Variants in ZP4 observed in about 807,000 individuals in gnomAD.
ZP4 encodes zona pellucida glycoprotein 4.
A neutral mutation model predicts 62.3 loss-of-function variants in ZP4; 62 were observed. That is an observed-to-expected ratio of 0.99 (90% CI 0.81 to 1.23). The LOEUF (loss-of-function observed/expected upper bound fraction) is 1.23. ZP4 is among the 50% of genes most tolerant of loss of function. The pLI is 0.00. For synonymous variants in ZP4, 289 were observed against 247.3 expected (o/e 1.17, Z -1.58); for missense variants, 774 against 656.0 (o/e 1.18, Z -1.97).
At position 237,885,251 on chromosome 1, in the gene ZP4, G is replaced by C; in HGVS notation, c.1225C>G (p.Pro409Ala). Residue 409 changes from proline (P) to alanine (A), a missense_variant, in exon 9 of 12, where the codon CCA becomes GCA. Coordinates refer to ENST00000366570, the MANE Select transcript of ZP4 (RefSeq NM_021186.5). ...AAGCGCTGGTGGTGAGAGGGAAATG[G>C]AAGATCCAAGGCTTTCTGGACAGGG... ...LIPVQKALDL[P>A]FPSHHQRFSI... 1 of 1,614,166 alleles carries C rather than the reference G, an allele frequency of 6.2e-7. No homozygotes were observed. The highest frequency in any genetic ancestry group is 8.5e-7 in the Non-Finnish European group (1 of 1,180,038).
In ZP4 at chr1:237,889,255, A is replaced by T. The variant is rs78019556; in HGVS notation, c.400+612T>A. 9.4e-3 allele frequency among the ~76,000 whole-genome samples: 1,432 copies of T among 151,808 alleles called. 20 individuals carry two copies. The highest frequency in any genetic ancestry group is 0.032 in the African/African-American group (1,333 of 41,328). On this transcript the variant is annotated intron_variant, in intron 3 of 11. Transcript: ENST00000366570. ...GTTCTGGGAGAGTTCTTTGAATCCC[A>T]GCTCAGTCATTCACCAGTGATAGGC...
rs1490887541 is a variant in ZP4 at position 237,882,460 on chromosome 1, T to C, written c.1585A>G (p.Lys529Glu). ...TGGTCTGGGCAACTCTTCTGTTTCT[T>C]GACAGCCAAGTAGGATACTAACAAG... Reference protein sequence around the residue: ...GALLVSYLAVKKQKSCPDQMC... With the variant: ...GALLVSYLAVEKQKSCPDQMC... The change falls in exon 12 of 12, where the codon AAG becomes GAG. Residue 529 changes from lysine to glutamate, a missense_variant. By Grantham distance (56) the Lys-to-Glu change is moderately conservative. Coordinates refer to ENST00000366570, the MANE Select transcript of ZP4 (RefSeq NM_021186.5). 8 of 1,610,922 alleles carry C rather than the reference T, an allele frequency of 5.0e-6. No individual in the cohort carries two copies. The highest frequency in any genetic ancestry group is 6.8e-6 in the Non-Finnish European group (8 of 1,179,362).
In ZP4 at chr1:237,885,059, C is replaced by T. The variant is rs532075292; in HGVS notation, c.1311+106G>A. ...GGTTGCTCTGAGTCAGTACCAATAG[C>T]CAGCATTAAAGGGCTTCCTTGGCTG... On this transcript the variant is annotated intron_variant, in intron 9 of 11. Transcript: ENST00000366570. 7.7e-5 allele frequency: 115 copies of T among 1,485,314 alleles called. 2 individuals are homozygous for T. In the East Asian group the frequency reaches 1.3e-3, roughly 17 times the overall value. 92.0% of individuals were successfully genotyped at this position (1,485,314 alleles called of 1,614,324 possible).
rs952086192 is a variant in ZP4 at position 237,890,699 on chromosome 1, T to G, written c.-64A>C. 2.1e-5 allele frequency: 33 copies of G among 1,544,180 alleles called. No individual in the cohort carries two copies. The African/African-American group carries it at 4.5e-4, about 21-fold the overall frequency. ...CCTCCTCTCCCAAGAGCCGAGGGTC[T>G]GCCTGCCCAGATTCCTTTATATACA... On this transcript the variant is annotated 5_prime_UTR_variant, in exon 1 of 12. Transcript: ENST00000366570.
Position 237,882,474 on chromosome 1 carries a change from G to C in ZP4, c.1571C>G (p.Ser524Cys). 6.2e-7 allele frequency: 1 copy of C among 1,609,934 alleles called. No homozygotes were observed. The highest frequency in any genetic ancestry group is 8.5e-7 in the Non-Finnish European group (1 of 1,179,096). Residue 524 changes from serine (S) to cysteine (C), a missense_variant, in exon 12 of 12, where the codon TCC (serine) becomes TGC (cysteine). Ser to Cys is a moderately radical substitution (Grantham distance 112). Coordinates refer to ENST00000366570, the MANE Select transcript of ZP4 (RefSeq NM_021186.5). ...GTLILGALLV[S>C]YLAVKKQKSC... Reference sequence around the variant, plus strand: ...CTTCTGTTTCTTGACAGCCAAGTAGGATACTAACAAGGCTCCAAGGATTAA... The same window carrying C: ...CTTCTGTTTCTTGACAGCCAAGTAGCATACTAACAAGGCTCCAAGGATTAA...
intron 7 of ZP4, 56 bp downstream of exon 7, chr1:237,885,700 C>G: frequency 6.2e-7 from 1 of 1,604,126 alleles, no homozygotes; most frequent in Non-Finnish European, 8.5e-7. Flanking sequence ...GGTCTTCATG[C>G]CCCAGAAGAC....
Position 237,888,507 on chromosome 1 carries a change from C to T in ZP4, c.404G>A (p.Arg135Gln), listed in dbSNP as rs1443099663. ...ACACCAGTCAGTATCTGGAGCATCTCGGGCTAGGTTTTGAAAAAGAGTAAG... is the reference window on the plus strand; with the variant it reads ...ACACCAGTCAGTATCTGGAGCATCTTGGGCTAGGTTTTGAAAAAGAGTAAG... ...LLKCPMDLLARDAPDTDWCDS... is the reference protein window; with the variant it reads ...LLKCPMDLLAQDAPDTDWCDS... The change falls in exon 4 of 12, where the codon CGA becomes CAA. Residue 135 changes from arginine to glutamine, a missense_variant. Coordinates refer to ENST00000366570, the MANE Select transcript of ZP4 (RefSeq NM_021186.5). The T allele has an allele frequency of 6.9e-6, 11 of 1,587,934 alleles. No homozygotes were observed. Among genetic ancestry groups the T allele is most frequent in the African/African-American group, 1.3e-5 (1 of 74,520 alleles).
intron 5 of ZP4, 135 bp downstream of exon 5, chr1:237,887,239 C>T (rs1040731434): frequency 8.0e-6 from 8 of 1,004,006 alleles, no homozygotes; most frequent in Non-Finnish European, 1.2e-5. Flanking sequence ...CATTCTCCTG[C>T]CCTAGGGACT....
chr1:237,885,133 C>T (rs1665065190), intron 9 of ZP4, 32 bp downstream of exon 9: 3 of 1,606,478 alleles, frequency 1.9e-6, no homozygotes, highest in Non-Finnish European at 2.5e-6. Flanking sequence ...GGTTCAGAGC[C>T]CTGGTGAGTG....
In ZP4 at chr1:237,885,276, G is replaced by A. The variant is rs776928138; in HGVS notation, c.1200C>T (p.Ile400=). 8 of 1,614,050 alleles carry A rather than the reference G, an allele frequency of 5.0e-6. No homozygotes were observed. The highest frequency in any genetic ancestry group is 1.6e-4 in the Middle Eastern group (1 of 6,084). The change falls in exon 9 of 12, where the codon ATC becomes ATT. Residue 400 remains isoleucine, a synonymous_variant. Transcript: ENST00000366570. The part of the protein sequence containing the change: ...YIGDNYQTQL[I]PVQKALDLPF... ...GAAGATCCAAGGCTTTCTGGACAGG[G>A]ATCAGCTGGGTCTGATAGTTGTCTC... is the stretch of plus-strand genomic sequence containing the variant.
intron 1 of ZP4, 81 bp from the exon 2 acceptor site, chr1:237,890,257 C>A (rs1665210017): frequency 1.9e-6 from 3 of 1,598,690 alleles, no homozygotes; most frequent in African/African-American, 1.3e-5. Flanking sequence ...GCCATTAGAC[C>A]CCAAGGAGCA....
chr1:237,888,966 G>A (rs1665173519), intron 3 of ZP4, among the ~76,000 whole-genome samples: 1 of 152,200 alleles, frequency 6.6e-6, no homozygotes, highest in African/African-American at 2.4e-5. Context: ...AAGGAAGGCA[G>A]GTGAGAAGAG....
In ZP4 at chr1:237,885,549, A is replaced by T. The variant is rs769643654; in HGVS notation, c.1002T>A (p.Gly334=). The part of the protein sequence containing the change: ...DKNYGSYYGV[G]DYPVVKLLRD... ...GAAGCAACTTCACCACTGGGTAGTC[A>T]CCAACACCGTAGTAAGAGCCATAGT... Residue 334 remains glycine, a synonymous_variant, in exon 8 of 12, where the codon GGT becomes GGA. Transcript: ENST00000366570. 9 of 1,613,994 alleles carry T rather than the reference A, an allele frequency of 5.6e-6. No individual in the cohort carries two copies. In the East Asian group the frequency reaches 2.0e-4, roughly 36 times the overall value.
At chr1:237,883,621 GGAGA>G (rs1392819107) in intron 10 of ZP4, among the ~76,000 whole-genome samples, 1 of 44,838 alleles carries the variant, frequency 2.2e-5, no homozygotes, top group Admixed American at 2.6e-4. Context: ...GGCTGAGGTG[GGAGA>G]GAGGGGGAGG....
chr1:237,886,321 A>T (rs796737144), intron 6 of ZP4, among the ~76,000 whole-genome samples: 33 of 152,192 alleles, frequency 2.2e-4, no homozygotes, highest in African/African-American at 7.7e-4. Flanking sequence ...AGAATGTTAG[A>T]AGTGAACAGG....
At chr1:237,884,072 A>AC (rs1665038029) in intron 10 of ZP4, among the ~76,000 whole-genome samples, 2 of 144,466 alleles carry the variant, frequency 1.4e-5, no homozygotes, top group African/African-American at 5.2e-5. Context: ...AAACACACAC[A>AC]AACACACACA....
chr1:237,887,626 G>T (rs967105934), intron 4 of ZP4, 65 bp from the exon 5 acceptor site: 26 of 1,518,610 alleles, frequency 1.7e-5, no homozygotes, highest in Non-Finnish European at 2.2e-5. Flanking sequence ...CCAGATGAAA[G>T]TCTAACCACT....
rs142127454 is a variant in ZP4, at chr1:237,885,849, A to G, written c.877T>C (p.Ser293Pro). ...VSCSYSVSSN[S>P]LPINVQVFTL... is the part of the protein sequence containing the mutation. ...AAAACCTGGACATTGATTGGGAGAG[A>G]GTTGCTACTTACTGAGTAGCTGCAG... The change falls in exon 7 of 12, where the codon TCT becomes CCT. Residue 293 changes from serine (S) to proline (P), a missense_variant. Transcript: ENST00000366570. 155 of 1,614,126 alleles carry G rather than the reference A, an allele frequency of 9.6e-5. No homozygotes were observed. The African/African-American group carries it at 1.7e-3, about 18-fold the overall frequency.
rs756101370 is a variant in ZP4 at position 237,885,744 on chromosome 1, A to G, written c.970+12T>C. ...GACTATAGGCCAGATACTCCAGCCA[A>G]GGGGGTCATACCTTTGGCAATCTGA... On this transcript the variant is annotated intron_variant, in intron 7 of 11. Transcript: ENST00000366570. 2.5e-6 allele frequency: 4 copies of G among 1,613,842 alleles called. No individual in the cohort carries two copies. In the Admixed American group the frequency reaches 6.7e-5, roughly 27 times the overall value.
Sources: allele counts gnomAD v4.1 joint callset (sites outside exome capture counted in the v4.1 genomes callset), GRCh38; gene constraint gnomAD v4.1.1; transcripts MANE v1.5; gene names NCBI Gene and HGNC (gene_info 2026-07-23, HGNC 2026-07-21).